SIRPA: variants seen among roughly 807,000 people sequenced by gnomAD.
The protein encoded by SIRPA is signal regulatory protein alpha.
A neutral mutation model predicts 50.3 loss-of-function variants in SIRPA; 9 were observed. That is an observed-to-expected ratio of 0.18 (90% CI 0.11 to 0.31). The LOEUF is 0.31. SIRPA is among the 10% of genes least tolerant of loss of function. The pLI, the probability that SIRPA is intolerant of heterozygous loss-of-function variation, is 1.00. For missense variants in SIRPA, 474 were observed against 661.6 expected (o/e 0.72, Z 3.11); for synonymous variants, 265 against 284.1 (o/e 0.93, Z 0.68).
intron 1 of SIRPA, among the ~76,000 whole-genome samples, chr20:1,914,718 G>T (rs1004143261): frequency 3.8e-5 from 4 of 105,802 alleles, no homozygotes; most frequent in African/African-American, 1.1e-4. Flanking sequence ...TTAACACCTT[G>T]TACAGCCCCA....
intron 1 of SIRPA, among the ~76,000 whole-genome samples, chr20:1,896,198 G>C (rs941919655): frequency 1.3e-5 from 2 of 152,176 alleles, no homozygotes; most frequent in Non-Finnish European, 2.9e-5. Flanking sequence ...TCCTTGAGGC[G>C]CTCCCAGCTC....
chr20:1,927,977 T>A lies in SIRPA; in HGVS notation c.1226+78T>A. On this transcript the variant is annotated intron_variant, in intron 6 of 7. Coordinates refer to ENST00000358771, the MANE Select transcript of SIRPA (RefSeq NM_001040023.2). The surrounding 1 kb of genome is among the most constrained non-coding windows in gnomAD (Gnocchi z 6.5). Reference sequence around the variant, plus strand: ...CAGCCCCCCAGACTACAAAGCATAATCCATGTCCACTGACCTCACCAATGT... The same window carrying A: ...CAGCCCCCCAGACTACAAAGCATAAACCATGTCCACTGACCTCACCAATGT... 1 of 1,263,590 alleles carries A rather than the reference T, an allele frequency of 7.9e-7. No individual in the cohort carries two copies. The highest frequency in any genetic ancestry group is 1.2e-6 in the Non-Finnish European group (1 of 860,092). The allele number at this position is 1,263,590 out of a possible 1,614,324, so 78.3% of individuals were successfully genotyped here.
intron 2 of SIRPA, among the ~76,000 whole-genome samples, chr20:1,917,592 A>G (rs1377874625): frequency 1.3e-5 from 2 of 152,218 alleles, no homozygotes; most frequent in East Asian, 3.9e-4. Flanking sequence ...GGCCCCCATC[A>G]GAAAGGTCCT....
At position 1,895,489 on chromosome 20, in the gene SIRPA, G is replaced by A; in HGVS notation, c.42G>A (p.Leu14=). The change falls in exon 1 of 8, where the codon CTG becomes CTA. Residue 14 remains leucine, a synonymous_variant. Coordinates refer to ENST00000358771, the MANE Select transcript of SIRPA (RefSeq NM_001040023.2). ...AGPAPGRLGP[L]LCLLLAASCA... ...CGGCCCCCGGCCGCCTCGGGCCGCT[G>A]CTCTGCCTGCTGCTCGCCGCGTCCT... 6.9e-7 allele frequency: 1 copy of A among 1,457,852 alleles called. No individual in the cohort carries two copies. The highest frequency in any genetic ancestry group is 9.0e-7 in the Non-Finnish European group (1 of 1,108,932). The allele number at this position is 1,457,852 out of a possible 1,614,324, so 90.3% of individuals were successfully genotyped here.
At position 1,937,980 on chromosome 20, in the gene SIRPA, TCCA is replaced by T. The variant is rs71193939; in HGVS notation, c.*441_*443del. On this transcript the variant is annotated 3_prime_UTR_variant, in exon 8 of 8. Transcript: ENST00000358771. The surrounding 1 kb of genome is among the most constrained non-coding windows in gnomAD (Gnocchi z 8.3). Reference sequence around the variant, plus strand: ...CCCACCTCCCCTGACCTCCACCACCTCCACCACCACCACCACCACCACCACCAC... The same window carrying T: ...CCCACCTCCCCTGACCTCCACCACCTCCACCACCACCACCACCACCACCAC... The T allele has an allele frequency of 0.11, 17,169 of 152,628 alleles. 1,063 individuals carry two copies. Among genetic ancestry groups the T allele is most frequent in the African/African-American group, 0.19 (6,308 of 32,754 alleles). 9.5% of individuals were successfully genotyped at this position (152,628 alleles called of 1,614,324 possible).
rs911272410 is a variant in SIRPA at position 1,928,936 on chromosome 20, A to G, written c.1226+1037A>G. On this transcript the variant is annotated intron_variant, in intron 6 of 7. Transcript: ENST00000358771. This position sits in a 1 kb window ranked among gnomAD's most constrained non-coding sequence, Gnocchi z 4.9. The stretch of plus-strand genomic sequence containing the variant: ...CCCAGCAGAGCAGAGGCAGCACACC[A>G]TCATCTGCCATGTGAACCCATCTGC... Among the ~76,000 whole-genome samples, 2 of 152,206 alleles carry G rather than the reference A, an allele frequency of 1.3e-5. No homozygotes were observed. The highest frequency in any genetic ancestry group is 2.9e-5 in the Non-Finnish European group (2 of 68,034).
At chr20:1,923,517 A>G (rs1164381283) in intron 4 of SIRPA, among the ~76,000 whole-genome samples, 3 of 152,158 alleles carry the variant, frequency 2.0e-5, no homozygotes, top group Non-Finnish European at 2.9e-5. Flanking sequence ...TTTTCTTAGG[A>G]TGTGTAGGGC....
chr20:1,914,774 T>A (rs68087171), intron 1 of SIRPA, among the ~76,000 whole-genome samples: 59,783 of 148,840 alleles, frequency 0.4, 12,868 homozygotes, highest in East Asian at 0.66. Flanking sequence ...GGCTGTTCCC[T>A]CTGTCTGGAA....
In SIRPA at chr20:1,937,652, A is replaced by G; in HGVS notation, c.*84A>G. 2 of 1,542,274 alleles carry G rather than the reference A, an allele frequency of 1.3e-6. No individual in the cohort carries two copies. Among genetic ancestry groups the G allele is most frequent in the Middle Eastern group, 1.7e-4 (1 of 5,752 alleles). On this transcript the variant is annotated 3_prime_UTR_variant, in exon 8 of 8. Transcript: ENST00000358771. This position sits in a 1 kb window ranked among gnomAD's most constrained non-coding sequence, Gnocchi z 8.3. ...CCGCCGTGATGAGCACAGCCAACCCAGTTCCCGGAGGGCTGGGGCGGTGCA... is the reference window on the plus strand; with the variant it reads ...CCGCCGTGATGAGCACAGCCAACCCGGTTCCCGGAGGGCTGGGGCGGTGCA...
At position 1,937,934 on chromosome 20, in the gene SIRPA, C is replaced by T; in HGVS notation, c.*366C>T. On this transcript the variant is annotated 3_prime_UTR_variant, in exon 8 of 8. Transcript: ENST00000358771. This position sits in a 1 kb window ranked among gnomAD's most constrained non-coding sequence, Gnocchi z 8.3. ...CCCCGATGCTCCGAAGCCTGATCTTCCAGGGTGGGGAGGAGAAAATCCCAC... is the reference window on the plus strand; with the variant it reads ...CCCCGATGCTCCGAAGCCTGATCTTTCAGGGTGGGGAGGAGAAAATCCCAC... The T allele has an allele frequency of 4.3e-6, 1 of 232,328 alleles. No homozygotes were observed. Among genetic ancestry groups the T allele is most frequent in the East Asian group, 9.7e-5 (1 of 10,350 alleles). The allele number at this position is 232,328 out of a possible 1,614,324, so 14.4% of individuals were successfully genotyped here.
chr20:1,935,106 C>T (rs78573312), intron 7 of SIRPA, among the ~76,000 whole-genome samples: 250 of 152,280 alleles, frequency 1.6e-3, no homozygotes, highest in Non-Finnish European at 2.7e-3. Context: ...CTACCAGGAG[C>T]GCCACTCCCA....
Position 1,927,560 on chromosome 20 carries a change from A to G in SIRPA, c.1202-315A>G, listed in dbSNP as rs1374533669. 6.6e-6 allele frequency among the ~76,000 whole-genome samples: 1 copy of G among 152,142 alleles called. No individual in the cohort carries two copies. Among genetic ancestry groups the G allele is most frequent in the Non-Finnish European group, 1.5e-5 (1 of 68,026 alleles). The stretch of plus-strand genomic sequence containing the variant: ...TAGGCTTGTTGGAGGGTCTCCGCTG[A>G]GGTTTGTGGTTGAATGGAGGTGAGA... On this transcript the variant is annotated intron_variant, in intron 5 of 7. Transcript: ENST00000358771. The surrounding 1 kb of genome is among the most constrained non-coding windows in gnomAD (Gnocchi z 6.5).
intron 1 of SIRPA, among the ~76,000 whole-genome samples, chr20:1,902,963 G>A (rs1437620205): frequency 2.1e-5 from 3 of 141,272 alleles, no homozygotes; most frequent in African/African-American, 8.1e-5. Flanking sequence ...AGTGAGCCGA[G>A]ATTGCACCAC....
rs1349896458 is a variant in SIRPA at position 1,915,139 on chromosome 20, C to G, written c.120C>G (p.Asp40Glu). 8 of 1,571,882 alleles carry G rather than the reference C, an allele frequency of 5.1e-6. No individual in the cohort carries two copies. The highest frequency in any genetic ancestry group is 4.5e-5 in the East Asian group (2 of 44,006). Reference protein sequence around the residue: ...GEEELQVIQPDKSVLVAAGET... With the variant: ...GEEELQVIQPEKSVLVAAGET... Reference sequence around the variant, plus strand: ...AGGAGCTGCAGGTGATTCAGCCTGACAAGTCCGTGTTGGTTGCAGCTGGAG... The same window carrying G: ...AGGAGCTGCAGGTGATTCAGCCTGAGAAGTCCGTGTTGGTTGCAGCTGGAG... Residue 40 changes from aspartate to glutamate, a missense_variant, in exon 2 of 8, where the codon GAC becomes GAG. Coordinates refer to ENST00000358771, the MANE Select transcript of SIRPA (RefSeq NM_001040023.2).
In SIRPA at chr20:1,934,613, C is replaced by G; in HGVS notation, c.1227-102C>G. 1.8e-6 allele frequency: 2 copies of G among 1,127,428 alleles called. No homozygotes were observed. The highest frequency in any genetic ancestry group is 2.7e-6 in the Non-Finnish European group (2 of 748,044). 69.8% of individuals were successfully genotyped at this position (1,127,428 alleles called of 1,614,324 possible). ...GTTATGAGTCCTTCGTTCATGTCCT[C>G]AACCCATATAGAAAATGGAGCCTAA... On this transcript the variant is annotated intron_variant, in intron 6 of 7. Transcript: ENST00000358771. The surrounding 1 kb of genome is among the most constrained non-coding windows in gnomAD (Gnocchi z 4.6).
At chr20:1,921,000 C>T (rs1985613891) in intron 2 of SIRPA, among the ~76,000 whole-genome samples, 4 of 152,262 alleles carry the variant, frequency 2.6e-5, no homozygotes, top group Admixed American at 2.0e-4. Context: ...ACTCCCTGCA[C>T]TGACCTCTAT....
rs749670266 is a variant in SIRPA at position 1,922,578 on chromosome 20, G to A, written c.1020G>A (p.Ala340=). Residue 340 remains alanine (A), a synonymous_variant, in exon 4 of 8, where the codon GCG becomes GCA. Coordinates refer to ENST00000358771, the MANE Select transcript of SIRPA (RefSeq NM_001040023.2). ...TCQVEHDGQP[A]VSKSHDLKVS... is the part of the protein sequence containing the mutation. ...AGGTGGAGCATGACGGGCAGCCAGC[G>A]GTCAGCAAAAGCCATGACCTGAAGG... The A allele has an allele frequency of 1.2e-5, 20 of 1,613,976 alleles. No homozygotes were observed. The highest frequency in any genetic ancestry group is 1.7e-5 in the Admixed American group (1 of 59,984).
intron 2 of SIRPA, among the ~76,000 whole-genome samples, chr20:1,920,671 A>G (rs1406510148): frequency 6.6e-6 from 1 of 152,260 alleles, no homozygotes; most frequent in African/African-American, 2.4e-5. Flanking sequence ...AGCACTTGGC[A>G]CAGATTAGAC....
intron 1 of SIRPA, among the ~76,000 whole-genome samples, chr20:1,913,068 T>G (rs1244710653): frequency 6.6e-6 from 1 of 152,242 alleles, no homozygotes; most frequent in African/African-American, 2.4e-5. Context: ...GCCATGAAGA[T>G]CTTGCCATGT....
Sources: allele counts gnomAD v4.1 joint callset (sites outside exome capture counted in the v4.1 genomes callset), GRCh38; gene constraint gnomAD v4.1.1; non-coding constraint Gnocchi (gnomAD v3.1); transcripts MANE v1.5; gene names NCBI Gene and HGNC (gene_info 2026-07-23, HGNC 2026-07-21).